Variants in DPP10 observed in about 807,000 individuals in gnomAD.
DPP10 encodes the protein dipeptidyl peptidase like 10, also known as inactive dipeptidyl peptidase 10.
A neutral mutation model predicts 120.9 loss-of-function variants in DPP10; 33 were observed. The ratio of observed to expected loss-of-function variants is 0.27; its 90% CI spans 0.21 to 0.37. The LOEUF is 0.37. DPP10 is among the 10% of genes least tolerant of loss of function. DPP10 has a pLI of 1.00. For missense variants in DPP10, 816 were observed against 942.8 expected, an observed-to-expected ratio of 0.87 and a Z score of 1.76; for synonymous variants, 337 against 326.1, an observed-to-expected ratio of 1.03 and a Z score of -0.36.
rs541892328 is a variant in DPP10 at position 115,356,014 on chromosome 2, GT to G, written c.271+12105del. Among the ~76,000 whole-genome samples, 555 of 152,210 alleles carry G rather than the reference GT, an allele frequency of 3.6e-3. 4 individuals carry two copies. The highest frequency in any genetic ancestry group is 0.012 in the African/African-American group (492 of 41,542). On this transcript the variant is annotated intron_variant, in intron 3 of 25. Transcript: ENST00000410059. ...TGATGCCTCCAGCTTTGTTCTTTTTGTTTAGGATTGTCTTGGCTATACAGGG... is the reference window on the plus strand; with the variant it reads ...TGATGCCTCCAGCTTTGTTCTTTTTGTTAGGATTGTCTTGGCTATACAGGG...
chr2:114,758,272 G>A (rs770783613), intron 1 of DPP10, among the ~76,000 whole-genome samples: 1 of 152,244 alleles, frequency 6.6e-6, no homozygotes, highest in African/African-American at 2.4e-5. Context: ...CCCTAATATT[G>A]TAACCTTCAA....
chr2:114,876,532 G>A (rs968024610), intron 1 of DPP10, among the ~76,000 whole-genome samples: 7 of 152,024 alleles, frequency 4.6e-5, no homozygotes, highest in Non-Finnish European at 8.8e-5. Context: ...TTTACAAAAT[G>A]AGAAAAATGA....
intron 1 of DPP10, among the ~76,000 whole-genome samples, chr2:114,695,128 G>T (rs1699994350): frequency 6.6e-6 from 1 of 152,006 alleles, no homozygotes; most frequent in African/African-American, 2.4e-5. Context: ...CCAAACTGTT[G>T]TTCAGAGTGA....
intron 1 of DPP10, among the ~76,000 whole-genome samples, chr2:114,912,706 C>T (rs759751040): frequency 2.0e-5 from 3 of 152,266 alleles, no homozygotes; most frequent in Non-Finnish European, 2.9e-5. Flanking sequence ...CATTTTGGCC[C>T]CAAGCAGCTC....
chr2:114,519,653 A>C (rs929340322), intron 1 of DPP10, among the ~76,000 whole-genome samples: 19 of 152,240 alleles, frequency 1.2e-4, no homozygotes, highest in African/African-American at 4.3e-4. Context: ...ACACATTATT[A>C]GCCCAGTTCT....
intron 1 of DPP10, among the ~76,000 whole-genome samples, chr2:114,832,551 A>G (rs6744207): frequency 0.71 from 107,813 of 152,158 alleles, 38,799 homozygotes; most frequent in South Asian, 0.78. Context: ...ATAAATAAAT[A>G]AATGAATAAA....
chr2:115,397,966 C>A (rs994058949), intron 3 of DPP10, among the ~76,000 whole-genome samples: 1 of 152,012 alleles, frequency 6.6e-6, no homozygotes, highest in Admixed American at 6.6e-5. Flanking sequence ...GTGTGAGAGT[C>A]GATACGGCAA....
chr2:114,947,832 G>C (rs1697480756), intron 1 of DPP10, among the ~76,000 whole-genome samples: 1 of 151,926 alleles, frequency 6.6e-6, no homozygotes, highest in South Asian at 2.1e-4. Context: ...TGACTGTGAA[G>C]CTCTTTTCCT....
intron 1 of DPP10, among the ~76,000 whole-genome samples, chr2:114,537,787 AG>A (rs1686633025): frequency 6.6e-6 from 1 of 152,220 alleles, no homozygotes; most frequent in South Asian, 2.1e-4. Context: ...TCACAGAGCT[AG>A]CTAGTGGCAG....
intron 1 of DPP10, among the ~76,000 whole-genome samples, chr2:114,497,197 A>G (rs1573492612): frequency 6.7e-6 from 1 of 149,002 alleles, no homozygotes; most frequent in East Asian, 2.0e-4. Context: ...ATACATGTGT[A>G]TGCATGTGTA....
intron 3 of DPP10, among the ~76,000 whole-genome samples, chr2:115,415,458 C>A (rs1337294234): frequency 6.6e-6 from 1 of 152,056 alleles, no homozygotes; most frequent in African/African-American, 2.4e-5. Context: ...GAAGTCCATC[C>A]TTTTGTATAT....
chr2:115,633,146 G>A (rs1294115656), intron 5 of DPP10, among the ~76,000 whole-genome samples: 1 of 152,118 alleles, frequency 6.6e-6, no homozygotes, highest in Non-Finnish European at 1.5e-5. Context: ...GTTTATTATG[G>A]CACTATTCAC....
intron 1 of DPP10, among the ~76,000 whole-genome samples, chr2:115,004,566 G>T (rs1474080032): frequency 7.9e-5 from 12 of 152,210 alleles, no homozygotes; most frequent in African/African-American, 2.9e-4. Context: ...GAAGCGCAAG[G>T]GGTCAGGGAG....
rs911132186 is a variant in DPP10 at position 114,873,973 on chromosome 2, G to A, written c.60+431135G>A. Among the ~76,000 whole-genome samples, 9 of 152,130 alleles carry A rather than the reference G, an allele frequency of 5.9e-5. 1 individual carries two copies. Among genetic ancestry groups the A allele is most frequent in the African/African-American group, 1.4e-4 (6 of 41,430 alleles). ...ACCTGCTCAACGAACTCAATCTGTC[G>A]CTTCAGTGGAGAATGACCACTGTGT... On this transcript the variant is annotated intron_variant, in intron 1 of 25. Transcript: ENST00000410059.
chr2:115,677,974 A>C (rs2090392759), intron 5 of DPP10, among the ~76,000 whole-genome samples: 1 of 152,250 alleles, frequency 6.6e-6, no homozygotes, highest in African/African-American at 2.4e-5. Context: ...CATTCTTCTC[A>C]TTAGCACATA....
chr2:114,715,834 A>G (rs529732438), intron 1 of DPP10, among the ~76,000 whole-genome samples: 1 of 152,200 alleles, frequency 6.6e-6, no homozygotes, highest in African/African-American at 2.4e-5. Flanking sequence ...ATTTATATGT[A>G]TCACTAAATA....
intron 1 of DPP10, among the ~76,000 whole-genome samples, chr2:114,945,816 C>A (rs961365104): frequency 2.6e-5 from 4 of 152,038 alleles, no homozygotes; most frequent in African/African-American, 9.7e-5. Flanking sequence ...AACTCTGTCT[C>A]AAAAAGCAAA....
At chr2:114,795,955 T>C (rs1267898659) in intron 1 of DPP10, among the ~76,000 whole-genome samples, 5 of 152,170 alleles carry the variant, frequency 3.3e-5, no homozygotes, top group Non-Finnish European at 7.3e-5. Flanking sequence ...CATAACTGCA[T>C]ACAATTAAGT....
At chr2:115,003,737 G>A (rs966453963) in intron 1 of DPP10, among the ~76,000 whole-genome samples, 4 of 152,032 alleles carry the variant, frequency 2.6e-5, no homozygotes, top group Non-Finnish European at 5.9e-5. Flanking sequence ...TATCCATGTA[G>A]ATATTGACCA....
Sources: allele counts gnomAD v4.1 joint callset (sites outside exome capture counted in the v4.1 genomes callset), GRCh38; gene constraint gnomAD v4.1.1; transcripts MANE v1.5; gene names NCBI Gene and HGNC (gene_info 2026-07-23, HGNC 2026-07-21).